SLC24A3: variants seen among roughly 807,000 people sequenced by gnomAD.
SLC24A3 encodes the protein sodium/potassium/calcium exchanger 3.
SLC24A3 carries 28 observed loss-of-function variants against 75.8 expected under a neutral mutation model. The ratio of observed to expected loss-of-function variants is 0.37; its 90% CI spans 0.27 to 0.51. SLC24A3 has a LOEUF of 0.51. Ranked by LOEUF, SLC24A3 falls within the 20% of genes least tolerant of loss-of-function variation. The pLI is 0.94. For missense variants in SLC24A3, 663 were observed against 847.8 expected, an observed-to-expected ratio of 0.78 and a Z score of 2.71; for synonymous variants, 372 against 334.1, an observed-to-expected ratio of 1.11 and a Z score of -1.24.
At chr20:19,345,648 A>T (rs1307428096) in intron 2 of SLC24A3, among the ~76,000 whole-genome samples, 1 of 152,216 alleles carries the variant, frequency 6.6e-6, no homozygotes, top group African/African-American at 2.4e-5. Flanking sequence ...GACATTTCTC[A>T]AAAGAAGATA....
intron 3 of SLC24A3, among the ~76,000 whole-genome samples, chr20:19,578,597 T>C (rs1042708879): frequency 7.2e-5 from 11 of 151,920 alleles, no homozygotes; most frequent in African/African-American, 2.4e-4. Flanking sequence ...TACTGGGTCA[T>C]GTGTGTGCGC....
At position 19,379,248 on chromosome 20, in the gene SLC24A3, A is replaced by C. The variant is rs558878200; in HGVS notation, c.271+98161A>C. Among the ~76,000 whole-genome samples the C allele has an allele frequency of 8.4e-4, 128 of 152,246 alleles. 1 individual carries two copies. The highest frequency in any genetic ancestry group is 3.0e-3 in the African/African-American group (123 of 41,542). The stretch of plus-strand genomic sequence containing the variant: ...GTTCAGAGCCTCCCCTAAGTCTGGC[A>C]CTGTACTAGGAGCTGGGGGCACCCT... On this transcript the variant is annotated intron_variant, in intron 2 of 16. Transcript: ENST00000328041.
chr20:19,308,114 G>GGTAA (rs1457435608), intron 2 of SLC24A3, among the ~76,000 whole-genome samples: 1 of 152,158 alleles, frequency 6.6e-6, no homozygotes, highest in Non-Finnish European at 1.5e-5. Context: ...GAGTGAACCA[G>GGTAA]GTAAGTCTTT....
At chr20:19,630,824 C>A (rs568171604) in intron 6 of SLC24A3, among the ~76,000 whole-genome samples, 1 of 152,280 alleles carries the variant, frequency 6.6e-6, no homozygotes, top group African/African-American at 2.4e-5. Flanking sequence ...TGAAAACATA[C>A]CCTAGGACCA....
At chr20:19,504,065 G>C (rs1381999737) in intron 2 of SLC24A3, among the ~76,000 whole-genome samples, 1 of 152,198 alleles carries the variant, frequency 6.6e-6, no homozygotes, top group Non-Finnish European at 1.5e-5. Context: ...ATTGCTAATA[G>C]ATGGAGATGC....
intron 9 of SLC24A3, among the ~76,000 whole-genome samples, chr20:19,674,987 T>G: frequency 6.6e-6 from 1 of 152,224 alleles, no homozygotes; most frequent in Admixed American, 6.5e-5. Context: ...GAGGCAGAGG[T>G]TGCAATGAGC....
At chr20:19,572,778 A>T (rs2031073463) in intron 3 of SLC24A3, among the ~76,000 whole-genome samples, 1 of 152,238 alleles carries the variant, frequency 6.6e-6, no homozygotes, top group South Asian at 2.1e-4. Context: ...GAATGGTTCC[A>T]GAACAATGAT....
chr20:19,494,629 T>C (rs984925371), intron 2 of SLC24A3, among the ~76,000 whole-genome samples: 17 of 152,262 alleles, frequency 1.1e-4, no homozygotes, highest in African/African-American at 3.9e-4. Context: ...TTTGGTTATG[T>C]GCTGTAGGTC....
chr20:19,398,163 C>A (rs1045039579), intron 2 of SLC24A3, among the ~76,000 whole-genome samples: 14 of 151,990 alleles, frequency 9.2e-5, no homozygotes, highest in Admixed American at 8.5e-4. Context: ...CATTGATATA[C>A]CTTTATTACT....
At position 19,661,965 on chromosome 20, in the gene SLC24A3, G is replaced by A. The variant is rs562544555; in HGVS notation, c.688-3899G>A. Among the ~76,000 whole-genome samples the A allele has an allele frequency of 3.9e-5, 6 of 152,320 alleles. No homozygotes were observed. The East Asian group carries it at 5.8e-4, about 15-fold the overall frequency. On this transcript the variant is annotated intron_variant, in intron 7 of 16. Coordinates refer to ENST00000328041, the MANE Select transcript of SLC24A3 (RefSeq NM_020689.4). ...GAGCAGACACCAGGAATGAAAAGCC[G>A]GTTTCCATGGTACCCAGCCGTTTCT...
Position 19,461,520 on chromosome 20 carries a change from CTTTTTTTTCTTTTT to C in SLC24A3, c.272-53959_272-53946del, listed in dbSNP as rs909711675. On this transcript the variant is annotated intron_variant, in intron 2 of 16. Coordinates refer to ENST00000328041, the MANE Select transcript of SLC24A3 (RefSeq NM_020689.4). The stretch of plus-strand genomic sequence containing the variant: ...ATACTTGTCTACGTCCTTTTCTTTT[CTTTTTTTTCTTTTT>C]TTTTTTTTTTTTTTTTGAGGTGGAG... Among the ~76,000 whole-genome samples the C allele has an allele frequency of 1.2e-3, 158 of 129,364 alleles. 2 individuals carry two copies. The highest frequency in any genetic ancestry group is 2.3e-4 in the Non-Finnish European group (14 of 62,012). 84.9% of individuals were successfully genotyped at this position (129,364 alleles called of 152,430 possible). A position where few individuals can be genotyped will look rare whatever the true frequency, so the allele number is the denominator to read the frequency against.
chr20:19,589,296 G>C (rs2031340540), intron 6 of SLC24A3, among the ~76,000 whole-genome samples: 2 of 152,244 alleles, frequency 1.3e-5, no homozygotes, highest in Non-Finnish European at 2.9e-5. Flanking sequence ...AGTTTAACTG[G>C]AGAGCCACTA....
intron 1 of SLC24A3, among the ~76,000 whole-genome samples, chr20:19,252,363 C>A (rs1982683765): frequency 6.6e-6 from 1 of 152,008 alleles, no homozygotes; most frequent in Non-Finnish European, 1.5e-5. Context: ...CTGAAGAGAC[C>A]CTTTGCTGTG....
chr20:19,467,075 G>C (rs1251020564), intron 2 of SLC24A3, among the ~76,000 whole-genome samples: 1 of 152,196 alleles, frequency 6.6e-6, no homozygotes. Context: ...TATCATTTAA[G>C]CACAGCAGTG....
chr20:19,370,507 C>T (rs1770427094), intron 2 of SLC24A3, among the ~76,000 whole-genome samples: 1 of 152,248 alleles, frequency 6.6e-6, no homozygotes, highest in South Asian at 2.1e-4. Context: ...AGTGGCAAGC[C>T]TCATGGTCCT....
chr20:19,567,252 G>A (rs1483165957), intron 3 of SLC24A3, among the ~76,000 whole-genome samples: 1 of 152,108 alleles, frequency 6.6e-6, no homozygotes, highest in East Asian at 1.9e-4. Flanking sequence ...ATTCACAAAA[G>A]CAAAGACATG....
chr20:19,628,740 A>G (rs2031897995), intron 6 of SLC24A3, among the ~76,000 whole-genome samples: 1 of 152,070 alleles, frequency 6.6e-6, no homozygotes, highest in Admixed American at 6.5e-5. Context: ...GACAGACACC[A>G]GGGGGAGCTA....
chr20:19,318,352 G>A (rs1025298929), intron 2 of SLC24A3, among the ~76,000 whole-genome samples: 3 of 152,164 alleles, frequency 2.0e-5, no homozygotes, highest in Admixed American at 6.5e-5. Context: ...GTAGGTGGGC[G>A]ATGGTAGACC....
chr20:19,347,843 G>A (rs1463987789), intron 2 of SLC24A3, among the ~76,000 whole-genome samples: 4 of 152,150 alleles, frequency 2.6e-5, no homozygotes, highest in African/African-American at 9.7e-5. Flanking sequence ...ACTAAGCTTC[G>A]GACTTCACAT....
Sources: gnomAD v4.1 joint callset for allele counts (sites outside exome capture counted in the v4.1 genomes callset) on GRCh38, gnomAD v4.1.1 for gene constraint, MANE v1.5 for transcripts, NCBI Gene and HGNC (gene_info 2026-07-23, HGNC 2026-07-21) for gene names.